Variants in ZNF469 observed in about 807,000 individuals in gnomAD.
ZNF469 encodes the protein zinc finger protein 469.
ZNF469 carries 1 observed loss-of-function variant against 1.0 expected under a neutral mutation model. The observed-to-expected ratio is 1.00, with a 90% confidence interval of 0.35 to 4.73. ZNF469 has a LOEUF of 4.73. ZNF469 is among the 30% of genes most tolerant of loss of function. The probability of loss-of-function intolerance (pLI) is 0.16; values close to 1 mark genes in which losing one functional copy is unlikely to be tolerated. For missense variants in ZNF469, 6,100 were observed against 5,356.3 expected, an observed-to-expected ratio of 1.14 and a Z score of -4.33; for synonymous variants, 2,703 against 2,363.4, an observed-to-expected ratio of 1.14 and a Z score of -4.17.
At chr16:88,276,689 C>T in the ZNF469 span, 9 of 152,216 alleles carry the variant, frequency 5.9e-5, no homozygotes, top group Non-Finnish European at 1.3e-4. Flanking sequence ...CGAGTTAGTA[C>T]TGGAATCATA....
the ZNF469 span, among the ~76,000 whole-genome samples, chr16:88,108,157 C>CTGTGGGGATGTGGGGATGGAGGTG: frequency 8.6e-6 from 1 of 116,296 alleles, no homozygotes; most frequent in East Asian, 2.9e-4. Context: ...GGATGGGGGT[C>CTGTGGGGATGTGGGGATGGAGGTG]CACGTCTGTG....
chr16:88,309,633 G>A, the ZNF469 span, among the ~76,000 whole-genome samples: 1 of 151,640 alleles, frequency 6.6e-6, no homozygotes, highest in Admixed American at 6.5e-5. Flanking sequence ...TCAGTGTTCA[G>A]GACACCTGAT....
the ZNF469 span, among the ~76,000 whole-genome samples, chr16:88,250,082 T>C: frequency 6.6e-6 from 1 of 152,270 alleles, no homozygotes; most frequent in East Asian, 1.9e-4. Context: ...AAGTATAATG[T>C]ATGTGCAGAA....
At chr16:88,417,937 C>T (rs1435603328) in intron 1 of ZNF469, among the ~76,000 whole-genome samples, 1 of 152,318 alleles carries the variant, frequency 6.6e-6, no homozygotes, top group Admixed American at 6.5e-5. Context: ...ACTGCACACA[C>T]CTGTATATGT....
chr16:88,159,257 C>T, the ZNF469 span, among the ~76,000 whole-genome samples: 383 of 151,940 alleles, frequency 2.5e-3, no homozygotes, highest in African/African-American at 8.9e-3. Context: ...GCTCTTTCCC[C>T]TACACCCTTG....
chr16:88,439,065 C>T lies in ZNF469; in HGVS notation c.11595C>T (p.Asn3865=). ...SRVLPTKPKP[N]SQNKPRPPPS... is the part of the protein sequence containing the mutation. The stretch of plus-strand genomic sequence containing the variant: ...TGCTCCCGACCAAGCCCAAGCCCAA[C>T]AGCCAGAACAAACCCAGGCCGCCAC... The change falls in exon 3 of 3, where the codon AAC becomes AAT. Residue 3865 remains asparagine (N), a synonymous_variant. Coordinates refer to ENST00000565624, the MANE Select transcript of ZNF469 (RefSeq NM_001367624.2). The T allele has an allele frequency of 1.3e-6, 2 of 1,550,644 alleles. No individual in the cohort carries two copies. The highest frequency in any genetic ancestry group is 2.7e-5 in the African/African-American group (2 of 73,186).
At chr16:88,168,284 A>T in the ZNF469 span, among the ~76,000 whole-genome samples, 1 of 152,112 alleles carries the variant, frequency 6.6e-6, no homozygotes, top group Non-Finnish European at 1.5e-5. The surrounding 1 kb of genome is among the most constrained non-coding windows in gnomAD (Gnocchi z 4.3). Context: ...TTTTCTACTG[A>T]TTTTAGGCTG....
At chr16:88,375,801 C>A in the ZNF469 span, among the ~76,000 whole-genome samples, 4 of 152,228 alleles carry the variant, frequency 2.6e-5, no homozygotes, top group Non-Finnish European at 4.4e-5. Flanking sequence ...AGGAAATCGT[C>A]TGACTGCCGA....
At chr16:88,162,666 T>C in the ZNF469 span, among the ~76,000 whole-genome samples, 2 of 111,942 alleles carry the variant, frequency 1.8e-5, no homozygotes. Context: ...CAATTCTTTT[T>C]AGTGCCCCCC....
chr16:88,358,645 C>A, the ZNF469 span, among the ~76,000 whole-genome samples: 1 of 152,118 alleles, frequency 6.6e-6, no homozygotes, highest in South Asian at 2.1e-4. Context: ...TGAGAGTCAC[C>A]CCATCCTGGG....
the ZNF469 span, among the ~76,000 whole-genome samples, chr16:88,193,293 G>T: frequency 6.6e-6 from 1 of 150,650 alleles, no homozygotes; most frequent in African/African-American, 2.4e-5. Flanking sequence ...TGGAGATGGT[G>T]GTGGTGGGGT....
In ZNF469 at chr16:88,433,976, C is replaced by G; in HGVS notation, c.6506C>G (p.Ser2169Cys). ...PPGPQQLLACSPAWAPLEEAD... is the reference protein window; with the variant it reads ...PPGPQQLLACCPAWAPLEEAD... ...GGCCCCCAGCAGCTGCTGGCCTGTT[C>G]TCCTGCCTGGGCACCTCTGGAAGAG... Residue 2169 changes from serine (S) to cysteine (C), a missense_variant, in exon 3 of 3, where the codon TCT becomes TGT. Ser to Cys is a moderately radical substitution (Grantham distance 112). Transcript: ENST00000565624. 6.5e-7 allele frequency: 1 copy of G among 1,550,292 alleles called. No homozygotes were observed. The highest frequency in any genetic ancestry group is 8.7e-7 in the Non-Finnish European group (1 of 1,146,924).
chr16:88,296,846 C>T, the ZNF469 span, among the ~76,000 whole-genome samples: 2 of 152,204 alleles, frequency 1.3e-5, no homozygotes, highest in African/African-American at 4.8e-5. Context: ...ACTCACGCAC[C>T]CACACCCCAC....
chr16:88,399,231 C>G (rs536672225), intron 1 of ZNF469, among the ~76,000 whole-genome samples: 1 of 152,226 alleles, frequency 6.6e-6, no homozygotes, highest in Non-Finnish European at 1.5e-5. Flanking sequence ...CCCTCCCTCC[C>G]CTCTGCTCCC....
chr16:88,432,592 T>C lies in ZNF469; in HGVS notation c.5122T>C (p.Cys1708Arg). 1 of 1,550,434 alleles carries C rather than the reference T, an allele frequency of 6.4e-7. No homozygotes were observed. The change falls in exon 3 of 3, where the codon TGC becomes CGC. Residue 1708 changes from cysteine (C) to arginine (R), a missense_variant. Coordinates refer to ENST00000565624, the MANE Select transcript of ZNF469 (RefSeq NM_001367624.2). ...QKAGASKTGL[C>R]QAEGDSRPPQ... ...AGCCGGAGCCTCCAAGACTGGACTT[T>C]GCCAGGCAGAAGGAGACAGCAGGCC...
At chr16:88,165,662 G>A in the ZNF469 span, among the ~76,000 whole-genome samples, 2 of 152,142 alleles carry the variant, frequency 1.3e-5, no homozygotes, top group Non-Finnish European at 2.9e-5. Context: ...CCACTTTTAA[G>A]GTACAGTTCT....
At chr16:88,374,750 T>G in the ZNF469 span, among the ~76,000 whole-genome samples, 8 of 107,200 alleles carry the variant, frequency 7.5e-5, no homozygotes, top group African/African-American at 1.0e-4. Context: ...CGCCGTGTGC[T>G]GTGGGCTGAG....
chr16:88,398,172 C>G (rs1484205467), intron 1 of ZNF469, among the ~76,000 whole-genome samples: 1 of 152,264 alleles, frequency 6.6e-6, no homozygotes, highest in East Asian at 1.9e-4. Context: ...CAACGTGCAG[C>G]TCTTTAGAGT....
Position 88,435,485 on chromosome 16 carries a change from CA to C in ZNF469, c.8016del (p.Ala2673ProfsTer30). 1 of 1,549,082 alleles carries C rather than the reference CA, an allele frequency of 6.5e-7. No homozygotes were observed. Among genetic ancestry groups the C allele is most frequent in the Non-Finnish European group, 8.7e-7 (1 of 1,146,960 alleles). On this transcript the variant is annotated frameshift_variant, in exon 3 of 3. Coordinates refer to ENST00000565624, the MANE Select transcript of ZNF469 (RefSeq NM_001367624.2). LOFTEE classifies it low-confidence loss of function (END_TRUNC). ...CCATCCCCTGCAATGGCCAGTTACG[CA>C]GCCTCTCCGAGCCACTGCCTCTCTG... The part of the protein sequence containing the change: ...SRPSPAMASY[A>X]ASPSHCLSVE...
Sources: allele counts gnomAD v4.1 joint callset (sites outside exome capture counted in the v4.1 genomes callset), GRCh38; gene constraint gnomAD v4.1.1; non-coding constraint Gnocchi (gnomAD v3.1); transcripts MANE v1.5; gene names NCBI Gene and HGNC (gene_info 2026-07-23, HGNC 2026-07-21).